The following LDAH variants were observed in gnomAD, a reference collection of about 807,000 sequenced individuals.
LDAH encodes the protein lipid droplet associated hydrolase.
A neutral mutation model predicts 29.6 loss-of-function variants in LDAH; 26 were observed. The observed-to-expected ratio is 0.88, with a 90% CI of 0.64 to 1.22. LDAH has a LOEUF of 1.22. LDAH is among the 50% of genes most tolerant of loss of function. The pLI, the probability that LDAH is intolerant of heterozygous loss-of-function variation, is 0.00. For synonymous variants in LDAH, 117 were observed against 133.0 expected, an observed-to-expected ratio of 0.88 and a Z score of 0.83; for missense variants, 344 against 387.3, an observed-to-expected ratio of 0.89 and a Z score of 0.94.
chr2:20,759,176 G>A (rs1668521790), intron 4 of LDAH, among the ~76,000 whole-genome samples: 1 of 152,132 alleles, frequency 6.6e-6, no homozygotes, highest in Non-Finnish European at 1.5e-5. Flanking sequence ...TTGTTGAAAT[G>A]GAGTTTCTAG....
chr2:20,784,359 T>C (rs1670404414), intron 3 of LDAH, among the ~76,000 whole-genome samples: 2 of 152,196 alleles, frequency 1.3e-5, no homozygotes, highest in East Asian at 3.9e-4. Flanking sequence ...GTTAGTCTCG[T>C]TGGCACCACT....
chr2:20,749,306 G>A (rs1667794095), intron 4 of LDAH, among the ~76,000 whole-genome samples: 1 of 152,138 alleles, frequency 6.6e-6, no homozygotes, highest in East Asian at 1.9e-4. Context: ...GACAAACACT[G>A]AGTACACAAG....
chr2:20,693,420 A>G (rs340592), intron 6 of LDAH, among the ~76,000 whole-genome samples: 78,573 of 152,064 alleles, frequency 0.52, 20,784 homozygotes, highest in African/African-American at 0.64. Flanking sequence ...AAAATATAAA[A>G]CAAAGTTGTT....
At chr2:20,811,235 G>A (rs924929323) in intron 1 of LDAH, among the ~76,000 whole-genome samples, 1 of 152,018 alleles carries the variant, frequency 6.6e-6, no homozygotes, top group Non-Finnish European at 1.5e-5. Flanking sequence ...AGCCAGGATG[G>A]TGTCGATCTC....
intron 5 of LDAH, among the ~76,000 whole-genome samples, chr2:20,728,684 C>G (rs1666189648): frequency 6.6e-6 from 1 of 152,038 alleles, no homozygotes; most frequent in Non-Finnish European, 1.5e-5. Flanking sequence ...AGGGAAGAGG[C>G]TGGCTACTAG....
chr2:20,752,450 C>G (rs1475727106), intron 4 of LDAH, among the ~76,000 whole-genome samples: 2 of 152,188 alleles, frequency 1.3e-5, no homozygotes, highest in East Asian at 1.9e-4. Flanking sequence ...GGTCTTCCTA[C>G]TGAAATAGCC....
chr2:20,740,141 A>T lies in LDAH; in HGVS notation c.533T>A (p.Ile178Asn). Residue 178 changes from isoleucine (I) to asparagine (N), a missense_variant, in exon 5 of 7, where the codon ATT becomes AAT. Ile to Asn is a moderately radical substitution (Grantham distance 149, BLOSUM62 -3). Coordinates refer to ENST00000237822, the MANE Select transcript of LDAH (RefSeq NM_021925.4). The stretch of plus-strand genomic sequence containing the variant: ...AAACCAGCACAAAAGTGGAGTGGCA[A>T]TTCTGCCATTGGGTGACTCAGACAT... ...ERMSESPNGR[I>N]ATPLLCWFRY... 6.2e-7 allele frequency: 1 copy of T among 1,614,172 alleles called. No individual in the cohort carries two copies. Among genetic ancestry groups the T allele is most frequent in the Non-Finnish European group, 8.5e-7 (1 of 1,180,006 alleles).
chr2:20,728,656 G>A (rs1289239386), intron 5 of LDAH, among the ~76,000 whole-genome samples: 1 of 152,140 alleles, frequency 6.6e-6, no homozygotes, highest in Non-Finnish European at 1.5e-5. Context: ...GGAGGCAGGG[G>A]TGGCACTGGG....
chr2:20,727,076 T>A (rs1666070082), intron 5 of LDAH, among the ~76,000 whole-genome samples: 1 of 152,100 alleles, frequency 6.6e-6, no homozygotes, highest in African/African-American at 2.4e-5. Context: ...CTTGCATGAA[T>A]CATTAAAAGC....
intron 3 of LDAH, among the ~76,000 whole-genome samples, chr2:20,784,403 T>C (rs548206): frequency 0.015 from 2,315 of 152,128 alleles, 63 homozygotes; most frequent in African/African-American, 0.053. Flanking sequence ...TGAGACTGTA[T>C]CTCTAAATAA....
chr2:20,768,156 G>T (rs904648113), intron 4 of LDAH, among the ~76,000 whole-genome samples: 1 of 152,174 alleles, frequency 6.6e-6, no homozygotes. Flanking sequence ...AAGAACTCAG[G>T]ACCTGATGAG....
At chr2:20,719,501 AG>A (rs1471750590) in intron 5 of LDAH, among the ~76,000 whole-genome samples, 5 of 152,088 alleles carry the variant, frequency 3.3e-5, no homozygotes, top group Admixed American at 3.3e-4. Flanking sequence ...CTCCCATGAA[AG>A]GAAAGTCCAG....
intron 2 of LDAH, 129 bp downstream of exon 2, chr2:20,801,181 A>G (rs993815718): frequency 1.1e-6 from 1 of 930,664 alleles, no homozygotes; most frequent in African/African-American, 1.7e-5. Flanking sequence ...GGTGGTTGTT[A>G]ACAATGGGTC....
At chr2:20,706,989 G>A (rs1572438100) in intron 5 of LDAH, among the ~76,000 whole-genome samples, 1 of 152,148 alleles carries the variant, frequency 6.6e-6, no homozygotes, top group African/African-American at 2.4e-5. Flanking sequence ...GGGAGAGGCT[G>A]CCCCTCCCAT....
intron 1 of LDAH, among the ~76,000 whole-genome samples, chr2:20,813,631 T>C (rs1672651760): frequency 6.6e-6 from 1 of 152,158 alleles, no homozygotes; most frequent in African/African-American, 2.4e-5. Context: ...AAATTACTGG[T>C]TGAATTTTAA....
chr2:20,696,760 C>G (rs969370324), intron 6 of LDAH, among the ~76,000 whole-genome samples: 1 of 152,158 alleles, frequency 6.6e-6, no homozygotes, highest in Admixed American at 6.5e-5. Context: ...CACCAGGTGC[C>G]TCATGAAACA....
At chr2:20,785,593 C>G (rs185087399) in intron 3 of LDAH, among the ~76,000 whole-genome samples, 1 of 152,190 alleles carries the variant, frequency 6.6e-6, no homozygotes, top group African/African-American at 2.4e-5. Context: ...GCATTAAGTA[C>G]TTCAACTCTT....
At chr2:20,699,713 G>C (rs1222032236) in intron 6 of LDAH, among the ~76,000 whole-genome samples, 5 of 152,136 alleles carry the variant, frequency 3.3e-5, no homozygotes, top group Non-Finnish European at 7.3e-5. Flanking sequence ...TTATTCCTGT[G>C]ACTGTGTGTT....
Position 20,811,139 on chromosome 2 carries a change from T to A in LDAH, c.-2-9674A>T, listed in dbSNP as rs561810641. 3.1e-4 allele frequency among the ~76,000 whole-genome samples: 47 copies of A among 151,046 alleles called. No homozygotes were observed. The East Asian group carries it at 8.6e-3, about 28-fold the overall frequency. ...TTCACGCCATTCTCCTGCCTCAGCCTCCCGAGTAGCTGGGACTACAGGCGC... is the reference window on the plus strand; with the variant it reads ...TTCACGCCATTCTCCTGCCTCAGCCACCCGAGTAGCTGGGACTACAGGCGC... On this transcript the variant is annotated intron_variant, in intron 1 of 6. Coordinates refer to ENST00000237822, the MANE Select transcript of LDAH (RefSeq NM_021925.4).
Sources: gnomAD v4.1 joint callset for allele counts (sites outside exome capture counted in the v4.1 genomes callset) on GRCh38, gnomAD v4.1.1 for gene constraint, MANE v1.5 for transcripts, NCBI Gene and HGNC (gene_info 2026-07-23, HGNC 2026-07-21) for gene names.